The following NRXN1 variants were observed in gnomAD, a reference collection of about 807,000 sequenced individuals.
NRXN1 encodes neurexin-1.
Under a neutral mutation model 150.9 loss-of-function variants are expected in NRXN1, and 39 were observed. The observed-to-expected ratio is 0.26, with a 90% CI of 0.20 to 0.34. The LOEUF (loss-of-function observed/expected upper bound fraction) is 0.34, where lower values mean the gene tolerates loss of function less well. NRXN1 is among the 10% of genes least tolerant of loss of function. The probability of loss-of-function intolerance (pLI) is 1.00; values close to 1 mark genes in which losing one functional copy is unlikely to be tolerated. For synonymous variants in NRXN1, 924 were observed against 757.0 expected, an observed-to-expected ratio of 1.22 and a Z score of -3.62; for missense variants, 1,815 against 1,949.9, an observed-to-expected ratio of 0.93 and a Z score of 1.30.
intron 5 of NRXN1, among the ~76,000 whole-genome samples, chr2:50,670,909 G>C (rs955891707): frequency 2.6e-5 from 4 of 151,764 alleles, no homozygotes; most frequent in Non-Finnish European, 5.9e-5. Context: ...TGATCACTTG[G>C]TTTAGTTGGT....
At chr2:50,836,436 T>C (rs145111561) in intron 5 of NRXN1, among the ~76,000 whole-genome samples, 333 of 152,228 alleles carry the variant, frequency 2.2e-3, no homozygotes, top group African/African-American at 7.7e-3. Context: ...CTTCTATCTA[T>C]GGAAACTTTG....
At chr2:50,783,701 A>T (rs1704667185) in intron 5 of NRXN1, among the ~76,000 whole-genome samples, 1 of 152,178 alleles carries the variant, frequency 6.6e-6, no homozygotes, top group Non-Finnish European at 1.5e-5. Context: ...AACACTTGGT[A>T]ATATACATAC....
chr2:50,231,313 A>G (rs1219675905), intron 18 of NRXN1, among the ~76,000 whole-genome samples: 1 of 152,098 alleles, frequency 6.6e-6, no homozygotes, highest in Non-Finnish European at 1.5e-5. Flanking sequence ...TTAAAAAGGT[A>G]TTTCTGAATC....
intron 18 of NRXN1, among the ~76,000 whole-genome samples, chr2:50,101,557 A>G (rs1472202655): frequency 6.6e-6 from 1 of 152,010 alleles, no homozygotes; most frequent in South Asian, 2.1e-4. Context: ...CTTGGATTGT[A>G]ATTTTAGTCC....
chr2:49,980,038 A>G lies in NRXN1; in HGVS notation c.4129-36247T>C, dbSNP rs922247723. On this transcript the variant is annotated intron_variant, in intron 21 of 22. Coordinates refer to ENST00000401669, the MANE Select transcript of NRXN1 (RefSeq NM_001330078.2). ...GGCCCCAGGCAATCTTTTCATTAAC[A>G]TTATATCCTAAAAATTATTATGCTA... Among the ~76,000 whole-genome samples, 6 of 152,040 alleles carry G rather than the reference A, an allele frequency of 3.9e-5. No homozygotes were observed. In the East Asian group the frequency reaches 1.2e-3, roughly 29 times the overall value.
At chr2:50,557,609 A>G (rs879579051) in intron 8 of NRXN1, among the ~76,000 whole-genome samples, 5 of 152,202 alleles carry the variant, frequency 3.3e-5, no homozygotes, top group African/African-American at 4.8e-5. Flanking sequence ...GGACAATGGT[A>G]TCTACCACAT....
rs141291771 is a variant in NRXN1, at chr2:50,395,759, CA to C, written c.3364+69682del. The stretch of plus-strand genomic sequence containing the variant: ...ATAAGGTTCCCTATTTCAGAGAAGA[CA>C]AAACTAAGTGAGTCAGACAACTTGT... On this transcript the variant is annotated intron_variant, in intron 17 of 22. Transcript: ENST00000401669. Among the ~76,000 whole-genome samples, 990 of 152,222 alleles carry C rather than the reference CA, an allele frequency of 6.5e-3. 12 individuals carry two copies. The highest frequency in any genetic ancestry group is 0.023 in the African/African-American group (954 of 41,552).
intron 8 of NRXN1, among the ~76,000 whole-genome samples, chr2:50,605,981 C>A (rs988597756): frequency 1.3e-5 from 2 of 151,810 alleles, no homozygotes; most frequent in Admixed American, 1.3e-4. Flanking sequence ...AGAGAATCAG[C>A]CAGGAGCCTG....
intron 13 of NRXN1, among the ~76,000 whole-genome samples, chr2:50,503,525 A>G (rs185480551): frequency 1.1e-3 from 162 of 150,002 alleles, no homozygotes; most frequent in Non-Finnish European, 1.2e-3. Flanking sequence ...GAAAAAAAGG[A>G]AGGGAGGAAG....
At chr2:50,125,340 G>T (rs1054621788) in intron 18 of NRXN1, among the ~76,000 whole-genome samples, 5 of 152,070 alleles carry the variant, frequency 3.3e-5, no homozygotes, top group African/African-American at 7.2e-5. Context: ...TGCTGTTGTT[G>T]TTGTTTTAAT....
At chr2:50,730,839 A>AT (rs1368049705) in intron 5 of NRXN1, among the ~76,000 whole-genome samples, 3 of 151,348 alleles carry the variant, frequency 2.0e-5, no homozygotes, top group East Asian at 3.9e-4. Context: ...CACCCAGCTA[A>AT]TTTTTTTGTA....
rs539857913 is a variant in NRXN1, at chr2:50,830,172, A to G, written c.832+91697T>C. Among the ~76,000 whole-genome samples, 7 of 152,212 alleles carry G rather than the reference A, an allele frequency of 4.6e-5. No individual in the cohort carries two copies. The East Asian group carries it at 1.4e-3, about 29-fold the overall frequency. ...AGCTCATTTTTATTTATGCTCTTCA[A>G]TAGATTCAGCTACCAATACATACAG... On this transcript the variant is annotated intron_variant, in intron 5 of 22. Coordinates refer to ENST00000401669, the MANE Select transcript of NRXN1 (RefSeq NM_001330078.2).
chr2:50,697,262 T>G (rs1444051733), intron 5 of NRXN1, among the ~76,000 whole-genome samples: 1 of 152,158 alleles, frequency 6.6e-6, no homozygotes, highest in Non-Finnish European at 1.5e-5. Context: ...AGGAAAAGTT[T>G]TTTTAGAAAA....
chr2:50,466,488 CT>C, intron 16 of NRXN1: 1 of 469,866 alleles, frequency 2.1e-6, no homozygotes. Flanking sequence ...ATCAATGCAA[CT>C]TTGTCAGCAA....
In NRXN1 at chr2:50,497,611, T is replaced by C; in HGVS notation, c.2601A>G (p.Gly867=). ...YLSSVPSNFI[G]HLQSLTFNGM... ...CATTAAATGTCAAGCTCTGCAGGTG[T>C]CCAATGAAGTTGGAGGGGACAGAAG... The change falls in exon 14 of 23, where the codon GGA becomes GGG. Residue 867 remains glycine (G), a synonymous_variant. Transcript: ENST00000401669. The C allele has an allele frequency of 6.2e-7, 1 of 1,613,928 alleles. No homozygotes were observed.
At chr2:50,397,265 C>T (rs555988030) in intron 17 of NRXN1, among the ~76,000 whole-genome samples, 9 of 152,198 alleles carry the variant, frequency 5.9e-5, no homozygotes, top group Admixed American at 3.3e-4. Flanking sequence ...CGATCAGTGA[C>T]GCTGCTGCTC....
At chr2:50,282,069 A>G (rs369442278) in intron 17 of NRXN1, among the ~76,000 whole-genome samples, 21 of 152,290 alleles carry the variant, frequency 1.4e-4, no homozygotes, top group African/African-American at 5.1e-4. Flanking sequence ...AAAATGTCTT[A>G]CAGTTATTGC....
chr2:50,971,613 A>C (rs1015577438), intron 2 of NRXN1, among the ~76,000 whole-genome samples: 1 of 151,936 alleles, frequency 6.6e-6, no homozygotes, highest in Non-Finnish European at 1.5e-5. Flanking sequence ...AAAATAAATA[A>C]AATAAATTTT....
At chr2:50,414,703 T>A (rs1298203080) in intron 17 of NRXN1, among the ~76,000 whole-genome samples, 2 of 152,012 alleles carry the variant, frequency 1.3e-5, no homozygotes, top group Non-Finnish European at 2.9e-5. Context: ...AAAAGAAAAA[T>A]TTAATGTATA....
Sources: allele counts gnomAD v4.1 joint callset (sites outside exome capture counted in the v4.1 genomes callset), GRCh38; gene constraint gnomAD v4.1.1; transcripts MANE v1.5; gene names NCBI Gene and HGNC (gene_info 2026-07-23, HGNC 2026-07-21).